The following GALNTL6 variants were observed in gnomAD, a reference collection of about 807,000 sequenced individuals.
GALNTL6 encodes polypeptide N-acetylgalactosaminyltransferase like 6.
GALNTL6 carries 46 observed loss-of-function variants against 73.7 expected under a neutral mutation model. The ratio of observed to expected loss-of-function variants is 0.62; its 90% CI spans 0.49 to 0.80. The LOEUF is 0.80. GALNTL6 is among the 30% of genes least tolerant of loss of function. The pLI is 0.00. For missense variants in GALNTL6, 604 were observed against 755.0 expected (o/e 0.80, Z 2.34); for synonymous variants, 259 against 263.7 (o/e 0.98, Z 0.17).
Position 172,239,467 on chromosome 4 carries a change from T to G in GALNTL6, c.247+9703T>G, listed in dbSNP as rs1604738. 4.0e-3 allele frequency among the ~76,000 whole-genome samples: 607 copies of G among 152,262 alleles called. 3 individuals carry two copies. The highest frequency in any genetic ancestry group is 4.4e-3 in the Non-Finnish European group (299 of 68,014). ...AGCTTTGTCATTTCTGAATGTTTATTTGGATATTCTCTTTTTTTCTTTATT... is the reference window on the plus strand; with the variant it reads ...AGCTTTGTCATTTCTGAATGTTTATGTGGATATTCTCTTTTTTTCTTTATT... On this transcript the variant is annotated intron_variant, in intron 3 of 12. Transcript: ENST00000506823.
intron 7 of GALNTL6, among the ~76,000 whole-genome samples, chr4:172,854,815 A>C (rs1744038381): frequency 6.6e-6 from 1 of 152,174 alleles, no homozygotes; most frequent in African/African-American, 2.4e-5. Flanking sequence ...AAGTCATCGC[A>C]ACTAGACGGT....
chr4:172,382,176 C>T (rs923276482), intron 5 of GALNTL6, among the ~76,000 whole-genome samples: 1 of 152,040 alleles, frequency 6.6e-6, no homozygotes, highest in African/African-American at 2.4e-5. Context: ...ACCATTTTGG[C>T]AAGGCTGGTC....
chr4:172,954,581 C>A (rs1749619728), intron 10 of GALNTL6, among the ~76,000 whole-genome samples: 1 of 152,164 alleles, frequency 6.6e-6, no homozygotes, highest in Non-Finnish European at 1.5e-5. Flanking sequence ...ATCCTCCCAC[C>A]TCAGCCTTCT....
intron 5 of GALNTL6, among the ~76,000 whole-genome samples, chr4:172,461,288 G>A (rs576519958): frequency 6.6e-5 from 10 of 152,158 alleles, no homozygotes; most frequent in South Asian, 2.1e-4. Flanking sequence ...TGAGTGCAGC[G>A]AACCACCATG....
chr4:172,870,624 T>C (rs1464981267), intron 7 of GALNTL6, among the ~76,000 whole-genome samples: 1 of 152,204 alleles, frequency 6.6e-6, no homozygotes, highest in Non-Finnish European at 1.5e-5. Flanking sequence ...CTCAAAACTT[T>C]AAGGTGCAAC....
At chr4:171,972,233 C>A (rs1178220390) in intron 2 of GALNTL6, among the ~76,000 whole-genome samples, 2 of 152,022 alleles carry the variant, frequency 1.3e-5, no homozygotes, top group Non-Finnish European at 2.9e-5. Context: ...GTGCATATAG[C>A]ACATTAGTAT....
chr4:172,608,898 G>T (rs1472548780), intron 5 of GALNTL6, among the ~76,000 whole-genome samples: 1 of 151,884 alleles, frequency 6.6e-6, no homozygotes. Context: ...GTATAGATGA[G>T]ATTGCATTCT....
intron 5 of GALNTL6, among the ~76,000 whole-genome samples, chr4:172,621,527 T>C (rs535826036): frequency 6.6e-6 from 1 of 152,360 alleles, no homozygotes; most frequent in African/African-American, 2.4e-5. Context: ...TTTTGTCCTT[T>C]ACAACCTCGT....
chr4:172,633,488 C>T lies in GALNTL6; in HGVS notation c.554-175873C>T, dbSNP rs1004196619. Among the ~76,000 whole-genome samples the T allele has an allele frequency of 2.0e-5, 3 of 152,198 alleles. No individual in the cohort carries two copies. The East Asian group carries it at 5.8e-4, about 29-fold the overall frequency. On this transcript the variant is annotated intron_variant, in intron 5 of 12. Transcript: ENST00000506823. ...CCATTTGGAATGGGTGTATTTATCC[C>T]AATGCCTGTACCCCCATTGTATCTA...
chr4:172,419,885 G>A (rs1001091395), intron 5 of GALNTL6, among the ~76,000 whole-genome samples: 11 of 152,092 alleles, frequency 7.2e-5, no homozygotes, highest in Admixed American at 2.6e-4. Flanking sequence ...TTGTTTATCT[G>A]TTTGTGTCAG....
In GALNTL6 at chr4:171,940,599, A is replaced by T. The variant is rs145732155; in HGVS notation, c.138+125881A>T. On this transcript the variant is annotated intron_variant, in intron 2 of 12. Coordinates refer to ENST00000506823, the MANE Select transcript of GALNTL6 (RefSeq NM_001034845.3). ...CATTTTGAGAGGCCAAGGCAGGCAG[A>T]TCACTTGAGGTCAGGAGTTTGAGAC... Among the ~76,000 whole-genome samples, 460 of 152,168 alleles carry T rather than the reference A, an allele frequency of 3.0e-3. 3 individuals carry two copies. The highest frequency in any genetic ancestry group is 0.012 in the Admixed American group (184 of 15,270).
intron 2 of GALNTL6, among the ~76,000 whole-genome samples, chr4:171,912,516 T>C (rs2110964496): frequency 6.6e-6 from 1 of 152,348 alleles, no homozygotes; most frequent in African/African-American, 2.4e-5. Flanking sequence ...AACTGGGATA[T>C]GCATCACCAC....
chr4:172,303,821 C>T (rs1740026749), intron 3 of GALNTL6, among the ~76,000 whole-genome samples: 1 of 152,118 alleles, frequency 6.6e-6, no homozygotes, highest in Non-Finnish European at 1.5e-5. Flanking sequence ...TACATCTCCC[C>T]ATTTCCAAAC....
intron 5 of GALNTL6, among the ~76,000 whole-genome samples, chr4:172,555,317 C>T (rs1035943345): frequency 6.6e-6 from 1 of 152,074 alleles, no homozygotes; most frequent in Admixed American, 6.6e-5. Context: ...TGGAATATTG[C>T]TATTTGAGAA....
chr4:172,484,971 A>T (rs1733618392), intron 5 of GALNTL6, among the ~76,000 whole-genome samples: 1 of 152,162 alleles, frequency 6.6e-6, no homozygotes, highest in Non-Finnish European at 1.5e-5. Flanking sequence ...TTTAAATAGG[A>T]TCTGCATTTT....
intron 10 of GALNTL6, among the ~76,000 whole-genome samples, chr4:172,975,527 G>A (rs1027798434): frequency 5.9e-5 from 9 of 152,190 alleles, no homozygotes; most frequent in African/African-American, 1.9e-4. Flanking sequence ...ATTCTGGTCC[G>A]CTGAACTGAC....
intron 12 of GALNTL6, among the ~76,000 whole-genome samples, chr4:173,024,551 C>G (rs1168394944): frequency 6.6e-6 from 1 of 152,158 alleles, no homozygotes; most frequent in Admixed American, 6.5e-5. Flanking sequence ...GGATGCAGTA[C>G]TTGGCTCTGG....
intron 3 of GALNTL6, among the ~76,000 whole-genome samples, chr4:172,285,642 T>C (rs1325255367): frequency 1.3e-5 from 2 of 152,166 alleles, no homozygotes; most frequent in Non-Finnish European, 2.9e-5. Flanking sequence ...GAGGAGCCCC[T>C]ACCCACCTCA....
chr4:171,953,222 G>T (rs927312980), intron 2 of GALNTL6, among the ~76,000 whole-genome samples: 1 of 124,880 alleles, frequency 8.0e-6, no homozygotes, highest in Non-Finnish European at 1.7e-5. Context: ...GTGCGCATGC[G>T]CACGTGTGTG....
Sources: allele counts gnomAD v4.1 joint callset (sites outside exome capture counted in the v4.1 genomes callset), GRCh38; gene constraint gnomAD v4.1.1; transcripts MANE v1.5; gene names NCBI Gene and HGNC (gene_info 2026-07-23, HGNC 2026-07-21).